The following MBD5 variants were observed in gnomAD, a reference collection of about 807,000 sequenced individuals.
The protein encoded by MBD5 is methyl-CpG-binding domain protein 5.
Under a neutral mutation model 117.3 loss-of-function variants are expected in MBD5, and 13 were observed. The ratio of observed to expected loss-of-function variants is 0.11; its 90% CI spans 0.07 to 0.18. MBD5 has a LOEUF of 0.18. Among genes scored for constraint, MBD5 ranks in the 10% least tolerant of loss-of-function variants. The probability of loss-of-function intolerance (pLI) is 1.00; values close to 1 mark genes in which losing one functional copy is unlikely to be tolerated. For missense variants in MBD5, 1,879 were observed against 2,093.8 expected (o/e 0.90, Z 2.00); for synonymous variants, 727 against 766.4 (o/e 0.95, Z 0.85).
chr2:148,035,122 C>G (rs551404038), intron 1 of MBD5, among the ~76,000 whole-genome samples: 5 of 152,084 alleles, frequency 3.3e-5, no homozygotes, highest in Admixed American at 2.6e-4. Flanking sequence ...CATTTTCCTT[C>G]TCTCCTATTA....
chr2:148,446,704 A>G (rs879138605), intron 4 of MBD5, among the ~76,000 whole-genome samples: 12 of 151,724 alleles, frequency 7.9e-5, no homozygotes, highest in South Asian at 4.2e-4. Context: ...AAATCCATCA[A>G]ATAATCAGAA....
intron 1 of MBD5, among the ~76,000 whole-genome samples, chr2:148,140,124 G>T (rs2105528062): frequency 1.3e-5 from 2 of 152,244 alleles, no homozygotes; most frequent in Admixed American, 1.3e-4. Context: ...TGAAATATTG[G>T]TAATGTCCTA....
chr2:148,337,458 G>A (rs981660956), intron 3 of MBD5, among the ~76,000 whole-genome samples: 7 of 152,050 alleles, frequency 4.6e-5, no homozygotes, highest in Non-Finnish European at 8.8e-5. Context: ...CATCTTACAC[G>A]AAGAAAGCAA....
intron 4 of MBD5, among the ~76,000 whole-genome samples, chr2:148,439,275 G>A (rs1282641226): frequency 6.6e-6 from 1 of 152,098 alleles, no homozygotes; most frequent in African/African-American, 2.4e-5. Context: ...AGGGTGTTGA[G>A]GATTGTATCT....
chr2:148,301,266 G>A (rs953233554), intron 3 of MBD5, among the ~76,000 whole-genome samples: 3 of 152,152 alleles, frequency 2.0e-5, no homozygotes, highest in Admixed American at 2.0e-4. Flanking sequence ...GAAGGTACCA[G>A]GGACTAAAGG....
chr2:148,136,765 A>T (rs990511499), intron 1 of MBD5, among the ~76,000 whole-genome samples: 2 of 146,276 alleles, frequency 1.4e-5, no homozygotes, highest in Non-Finnish European at 3.0e-5. Context: ...CAGTTTATTA[A>T]TTTTTTTTTT....
At chr2:148,350,281 A>C (rs1703219543) in intron 4 of MBD5, among the ~76,000 whole-genome samples, 2 of 152,058 alleles carry the variant, frequency 1.3e-5, no homozygotes, top group East Asian at 3.9e-4. Context: ...TGCCCTCATG[A>C]CTTCATTTTT....
intron 3 of MBD5, among the ~76,000 whole-genome samples, chr2:148,267,080 G>T (rs763714406): frequency 6.6e-6 from 1 of 152,106 alleles, no homozygotes; most frequent in Non-Finnish European, 1.5e-5. Context: ...CAAAAAACAT[G>T]CAGGAGGTAT....
At chr2:148,028,601 T>C (rs1443679218) in intron 1 of MBD5, 1 of 152,032 alleles carries the variant, frequency 6.6e-6, no homozygotes, top group East Asian at 1.9e-4. Context: ...GATCTAAAAA[T>C]AATAATTTAG....
chr2:148,081,940 A>G (rs1340157302), intron 1 of MBD5, among the ~76,000 whole-genome samples: 1 of 152,242 alleles, frequency 6.6e-6, no homozygotes, highest in African/African-American at 2.4e-5. Context: ...AATCTTGCCC[A>G]TAGCTAATAC....
At chr2:148,511,618 A>G (rs1682215973) in intron 13 of MBD5, among the ~76,000 whole-genome samples, 1 of 150,748 alleles carries the variant, frequency 6.6e-6, no homozygotes, top group Admixed American at 6.6e-5. Flanking sequence ...AAAATATTAA[A>G]GTGCCATATG....
intron 3 of MBD5, among the ~76,000 whole-genome samples, chr2:148,322,571 C>G (rs988875349): frequency 3.3e-5 from 5 of 152,132 alleles, no homozygotes; most frequent in Non-Finnish European, 7.4e-5. Flanking sequence ...AAGGAGACAA[C>G]ACACAAGACT....
intron 1 of MBD5, chr2:148,054,102 C>G (rs1031029062): frequency 6.6e-6 from 1 of 152,016 alleles, no homozygotes; most frequent in Admixed American, 6.6e-5. Flanking sequence ...GACAAGGCCT[C>G]CCTATGTTGC....
chr2:148,359,336 A>G (rs1356765684), intron 4 of MBD5, among the ~76,000 whole-genome samples: 1 of 151,738 alleles, frequency 6.6e-6, no homozygotes, highest in African/African-American at 2.4e-5. Context: ...ATGCTATTTC[A>G]TAGGGTGGTA....
intron 1 of MBD5, among the ~76,000 whole-genome samples, chr2:148,029,528 C>G (rs1489236451): frequency 2.0e-5 from 3 of 152,126 alleles, no homozygotes; most frequent in African/African-American, 7.2e-5. Context: ...TAACATATCG[C>G]TTTTCTAGGC....
At chr2:148,437,946 CT>C (rs1706203351) in intron 4 of MBD5, among the ~76,000 whole-genome samples, 1 of 152,014 alleles carries the variant, frequency 6.6e-6, no homozygotes, top group South Asian at 2.1e-4. Context: ...TGGTTTTTAT[CT>C]TTTAGAAATG....
At chr2:148,027,720 A>T (rs1573927358) in intron 1 of MBD5, 1 of 152,134 alleles carries the variant, frequency 6.6e-6, no homozygotes, top group South Asian at 2.1e-4. Context: ...TGAATAAGGG[A>T]TATCAACTTT....
At chr2:148,366,174 A>T (rs752466320) in intron 4 of MBD5, among the ~76,000 whole-genome samples, 1 of 152,186 alleles carries the variant, frequency 6.6e-6, no homozygotes, top group Non-Finnish European at 1.5e-5. Flanking sequence ...GGTTCAACAC[A>T]TGCAGATCAA....
chr2:148,158,386 C>A (rs971500450), intron 1 of MBD5, among the ~76,000 whole-genome samples: 4 of 152,204 alleles, frequency 2.6e-5, no homozygotes, highest in African/African-American at 9.6e-5. Flanking sequence ...AAGCCCTTGT[C>A]TCAGAGGTTT....
Sources: allele counts gnomAD v4.1 joint callset (sites outside exome capture counted in the v4.1 genomes callset), GRCh38; gene constraint gnomAD v4.1.1; transcripts MANE v1.5; gene names NCBI Gene and HGNC (gene_info 2026-07-23, HGNC 2026-07-21).